NDST3: variants seen among roughly 807,000 people sequenced by gnomAD.
NDST3 encodes bifunctional heparan sulfate N-deacetylase/N-sulfotransferase 3.
NDST3 carries 58 observed loss-of-function variants against 96.1 expected under a neutral mutation model. That is an observed-to-expected ratio of 0.60 (90% CI 0.49 to 0.75). NDST3 has a LOEUF of 0.75. NDST3 is among the 30% of genes least tolerant of loss of function. The pLI, the probability that NDST3 is intolerant of heterozygous loss-of-function variation, is 0.00. For missense variants in NDST3, 788 were observed against 1,034.2 expected (o/e 0.76, Z 3.27); for synonymous variants, 333 against 359.7 (o/e 0.93, Z 0.84).
intron 4 of NDST3, among the ~76,000 whole-genome samples, chr4:118,117,102 A>C (rs1247122295): frequency 6.6e-6 from 1 of 152,198 alleles, no homozygotes; most frequent in Non-Finnish European, 1.5e-5. Context: ...GAGTAGTTGT[A>C]ATAGATCTTC....
intron 6 of NDST3, among the ~76,000 whole-genome samples, chr4:118,216,294 A>C (rs1739190536): frequency 6.6e-6 from 1 of 152,086 alleles, no homozygotes. Flanking sequence ...AAGAGGTTGG[A>C]AGGCTGTCCT....
chr4:118,169,482 G>T (rs1216456889), intron 6 of NDST3, among the ~76,000 whole-genome samples: 1 of 151,982 alleles, frequency 6.6e-6, no homozygotes, highest in Non-Finnish European at 1.5e-5. Context: ...CATGATTTCT[G>T]TAGGTCAGAA....
At chr4:118,156,113 C>T (rs948351161) in intron 6 of NDST3, among the ~76,000 whole-genome samples, 1 of 152,002 alleles carries the variant, frequency 6.6e-6, no homozygotes, top group Non-Finnish European at 1.5e-5. Flanking sequence ...GGCTCCTGTC[C>T]ACTTTTCTCA....
At chr4:118,099,973 A>G (rs1031721258) in intron 2 of NDST3, among the ~76,000 whole-genome samples, 4 of 151,990 alleles carry the variant, frequency 2.6e-5, no homozygotes, top group African/African-American at 9.7e-5. Flanking sequence ...GTGTTCTTTA[A>G]TCTGGATGCC....
intron 6 of NDST3, among the ~76,000 whole-genome samples, chr4:118,180,265 C>T (rs1218354262): frequency 1.3e-5 from 2 of 152,142 alleles, no homozygotes; most frequent in East Asian, 1.9e-4. Context: ...CCTTCCTCCC[C>T]TCTCTGGCAG....
At chr4:118,186,311 TAGTC>T (rs1215760490) in intron 6 of NDST3, among the ~76,000 whole-genome samples, 2 of 152,156 alleles carry the variant, frequency 1.3e-5, no homozygotes, top group Non-Finnish European at 1.5e-5. Context: ...TTCTCTGTAT[TAGTC>T]AGAGTTCTCT....
At chr4:118,170,823 C>A (rs1425747929) in intron 6 of NDST3, among the ~76,000 whole-genome samples, 1 of 152,092 alleles carries the variant, frequency 6.6e-6, no homozygotes, top group African/African-American at 2.4e-5. Context: ...TAATTATTTG[C>A]CTTTTCTATA....
At chr4:118,209,366 A>G (rs567674921) in intron 6 of NDST3, among the ~76,000 whole-genome samples, 23 of 152,350 alleles carry the variant, frequency 1.5e-4, no homozygotes, top group African/African-American at 5.3e-4. Flanking sequence ...ACTAACTGCA[A>G]TGGGGTCTTT....
intron 6 of NDST3, among the ~76,000 whole-genome samples, chr4:118,155,667 G>C (rs754714995): frequency 4.6e-5 from 7 of 152,126 alleles, no homozygotes; most frequent in Admixed American, 3.9e-4. Flanking sequence ...ATTAACTCTT[G>C]TTTAGATTAT....
At chr4:118,146,868 T>C (rs1422661801) in intron 6 of NDST3, among the ~76,000 whole-genome samples, 1 of 152,172 alleles carries the variant, frequency 6.6e-6, no homozygotes, top group African/African-American at 2.4e-5. Flanking sequence ...AGATTTCCAT[T>C]TTTCTAATAC....
chr4:118,037,578 G>C (rs1240513296), intron 1 of NDST3, among the ~76,000 whole-genome samples: 1 of 152,110 alleles, frequency 6.6e-6, no homozygotes, highest in Non-Finnish European at 1.5e-5. Context: ...TGATGGAACA[G>C]AGGTAATCCA....
chr4:118,035,154 AG>A (rs1157777338), intron 1 of NDST3, among the ~76,000 whole-genome samples: 2 of 152,200 alleles, frequency 1.3e-5, no homozygotes, highest in Non-Finnish European at 2.9e-5. Context: ...GGCAGGTAAA[AG>A]CAAAGTTACA....
intron 4 of NDST3, among the ~76,000 whole-genome samples, chr4:118,118,027 T>G (rs1393814356): frequency 6.6e-6 from 1 of 152,092 alleles, no homozygotes; most frequent in Non-Finnish European, 1.5e-5. Context: ...GACAAAAAAC[T>G]AAATCTGAGG....
chr4:118,171,569 G>A (rs532567884), intron 6 of NDST3, among the ~76,000 whole-genome samples: 1 of 152,222 alleles, frequency 6.6e-6, no homozygotes, highest in East Asian at 1.9e-4. Flanking sequence ...ACTTCCCTGT[G>A]GCCCTAGAGT....
At position 118,208,607 on chromosome 4, in the gene NDST3, T is replaced by C. The variant is rs1457688752; in HGVS notation, c.1540-15884T>C. 2.8e-5 allele frequency among the ~76,000 whole-genome samples: 4 copies of C among 144,008 alleles called. No homozygotes were observed. In the East Asian group the frequency reaches 7.9e-4, roughly 28 times the overall value. 94.5% of individuals were successfully genotyped at this position (144,008 alleles called of 152,430 possible). On this transcript the variant is annotated intron_variant, in intron 6 of 13. Transcript: ENST00000296499. ...ATAGGCCCAGTCAAGCCCTAGTATA[T>C]TCTCTCTAATAAAGGAACAGTTCAT...
At chr4:118,168,095 T>TA (rs1398714764) in intron 6 of NDST3, among the ~76,000 whole-genome samples, 1 of 151,110 alleles carries the variant, frequency 6.6e-6, no homozygotes, top group African/African-American at 2.4e-5. Context: ...TTCTGCACAT[T>TA]AAAAAAAATA....
intron 1 of NDST3, among the ~76,000 whole-genome samples, chr4:118,039,903 T>C (rs936692397): frequency 3.3e-5 from 5 of 152,172 alleles, no homozygotes; most frequent in African/African-American, 1.2e-4. Context: ...CAGGGTCTTG[T>C]GGGACATGTA....
Position 118,227,009 on chromosome 4 carries a change from C to T in NDST3, c.1819+27C>T, listed in dbSNP as rs375436771. The T allele has an allele frequency of 2.1e-5, 32 of 1,489,914 alleles. 1 individual carries two copies. The Admixed American group carries it at 3.2e-4, about 15-fold the overall frequency. 92.3% of individuals were successfully genotyped at this position (1,489,914 alleles called of 1,614,324 possible). On this transcript the variant is annotated intron_variant, in intron 8 of 13. Transcript: ENST00000296499. ...TGAGAACTTTTTATGTTATGATTAACGAGTGTAAATTTTCTGATGACTAGA... is the reference window on the plus strand; with the variant it reads ...TGAGAACTTTTTATGTTATGATTAATGAGTGTAAATTTTCTGATGACTAGA...
intron 6 of NDST3, among the ~76,000 whole-genome samples, chr4:118,152,123 C>G (rs1014226237): frequency 3.3e-5 from 5 of 152,104 alleles, no homozygotes; most frequent in African/African-American, 9.7e-5. Context: ...TGAATCTATT[C>G]ATAAAAGGAA....
Sources: gnomAD v4.1 joint callset for allele counts (sites outside exome capture counted in the v4.1 genomes callset) on GRCh38, gnomAD v4.1.1 for gene constraint, MANE v1.5 for transcripts, NCBI Gene and HGNC (gene_info 2026-07-23, HGNC 2026-07-21) for gene names.